Variants in MOCS2 observed in about 807,000 individuals in gnomAD.
The protein encoded by MOCS2 is molybdenum cofactor synthesis 2, also known as molybdopterin synthase catalytic subunit.
A neutral mutation model predicts 21.9 loss-of-function variants in MOCS2; 13 were observed. The ratio of observed to expected loss-of-function variants is 0.59; its 90% CI spans 0.39 to 0.94. MOCS2 has a LOEUF of 0.94. Among genes scored for constraint, MOCS2 ranks in the 40% least tolerant of loss-of-function variants. The pLI, the probability that MOCS2 is intolerant of heterozygous loss-of-function variation, is 0.00. For synonymous variants in MOCS2, 92 were observed against 80.8 expected, an observed-to-expected ratio of 1.14 and a Z score of -0.74; for missense variants, 227 against 218.3, an observed-to-expected ratio of 1.04 and a Z score of -0.25.
At chr5:53,101,739 ACACT>A (rs961415620) in intron 4 of MOCS2, among the ~76,000 whole-genome samples, 1 of 152,212 alleles carries the variant, frequency 6.6e-6, no homozygotes, top group Non-Finnish European at 1.5e-5. Flanking sequence ...CTTACTAAAA[ACACT>A]CACCTGGCAA....
rs199581021 is a variant in MOCS2, at chr5:53,100,497, C to T, written c.415G>A (p.Val139Met). The change falls in exon 6 of 7, where the codon GTG becomes ATG. Residue 139 changes from valine (V) to methionine (M), a missense_variant. Physicochemically the swap from Val to Met is conservative, Grantham distance 21 (BLOSUM62 1). Transcript: ENST00000396954. The part of the protein sequence containing the change: ...PVSEASIIIA[V>M]SSAHRAASLE... The stretch of plus-strand genomic sequence containing the variant: ...GATGCAGCTCTGTGGGCTGAGGACA[C>T]AGCAATGATTATGCTTGCTTCTGAC... 141 of 1,613,674 alleles carry T rather than the reference C, an allele frequency of 8.7e-5. No homozygotes were observed. Among genetic ancestry groups the T allele is most frequent in the South Asian group, 4.9e-4 (45 of 91,070 alleles).
At position 53,102,173 on chromosome 5, in the gene MOCS2, AG is replaced by A. The variant is rs745685658; in HGVS notation, c.149del (p.Thr50MetfsTer7). On this transcript the variant is annotated frameshift_variant, in exon 4 of 7. Coordinates refer to ENST00000396954, the MANE Select transcript of MOCS2 (RefSeq NM_004531.5). LOFTEE classifies it high-confidence loss of function. The stretch of plus-strand genomic sequence containing the variant: ...CTTCATCTACTGAAAGTTTCTCGGC[AG>A]TAAAGTTTATAACATCTTTAGATTT... The part of the protein sequence containing the change: ...EEKSKDVINF[T>X]AEKLSVDEVS... 1.9e-6 allele frequency: 3 copies of A among 1,612,914 alleles called. No individual in the cohort carries two copies. In the South Asian group the frequency reaches 3.3e-5, roughly 18 times the overall value.
chr5:53,109,752 A>T lies in MOCS2; in HGVS notation c.-671T>A, dbSNP rs972445076. The T allele has an allele frequency of 1.3e-6, 2 of 1,547,688 alleles. No homozygotes were observed. Among genetic ancestry groups the T allele is most frequent in the African/African-American group, 2.7e-5 (2 of 72,974 alleles). On this transcript the variant is annotated 5_prime_UTR_variant, in exon 1 of 7. Coordinates refer to ENST00000396954, the MANE Select transcript of MOCS2 (RefSeq NM_004531.5). ...CATCCCGCCTAGGACAGCGGGACCGAATCACGGCCGCAAAGGCGCAGGCGC... is the reference window on the plus strand; with the variant it reads ...CATCCCGCCTAGGACAGCGGGACCGTATCACGGCCGCAAAGGCGCAGGCGC...
At chr5:53,099,695 C>G (rs3756532) in intron 6 of MOCS2, among the ~76,000 whole-genome samples, 1 of 152,036 alleles carries the variant, frequency 6.6e-6, no homozygotes, top group Non-Finnish European at 1.5e-5. Context: ...TTTAAAAGCC[C>G]TGGCTCTCTG....
At position 53,109,486 on chromosome 5, in the gene MOCS2, T is replaced by C; in HGVS notation, c.-405A>G. ...CTTGCTGCCGTGAGCTGACAAGAGT[T>C]CTCGGAGAGGACCCGACTTCTGCTG... On this transcript the variant is annotated 5_prime_UTR_variant, in exon 1 of 7. Transcript: ENST00000396954. 1 of 1,327,992 alleles carries C rather than the reference T, an allele frequency of 7.5e-7. No homozygotes were observed. 82.3% of individuals were successfully genotyped at this position (1,327,992 alleles called of 1,614,324 possible).
At chr5:53,103,085 CT>C in intron 3 of MOCS2, among the ~76,000 whole-genome samples, 1 of 152,054 alleles carries the variant, frequency 6.6e-6, no homozygotes, top group Middle Eastern at 3.4e-3. Context: ...TAAAAAGTTT[CT>C]TTTCTTTTTT....
At chr5:53,102,034 G>C in intron 4 of MOCS2, 63 bp downstream of exon 4, 1 of 1,550,150 alleles carries the variant, frequency 6.5e-7, no homozygotes, top group Non-Finnish European at 8.9e-7. Flanking sequence ...ACTGAACATG[G>C]AAAGCACATG....
rs889558412 is a variant in MOCS2 at position 53,109,684 on chromosome 5, G to A, written c.-603C>T. ...CACGTCGAGGAGGGCTCCGCACCCAGGCCCGCACGCACACCCGCCACCCTT... is the reference window on the plus strand; with the variant it reads ...CACGTCGAGGAGGGCTCCGCACCCAAGCCCGCACGCACACCCGCCACCCTT... On this transcript the variant is annotated 5_prime_UTR_variant, in exon 1 of 7. Coordinates refer to ENST00000396954, the MANE Select transcript of MOCS2 (RefSeq NM_004531.5). 6.4e-7 allele frequency: 1 copy of A among 1,552,224 alleles called. No individual in the cohort carries two copies. Among genetic ancestry groups the A allele is most frequent in the African/African-American group, 1.4e-5 (1 of 72,978 alleles).
rs1741103775 is a variant in MOCS2 at position 53,108,213 on chromosome 5, CAG to C, written c.-48+307_-48+308del. Reference sequence around the variant, plus strand: ...AAATGTTTAAAGCACACATTTTTAACAGAATTTGTAACAATTTCATTTAATGT... The same window carrying C: ...AAATGTTTAAAGCACACATTTTTAACAATTTGTAACAATTTCATTTAATGT... On this transcript the variant is annotated intron_variant, in intron 2 of 6. Transcript: ENST00000396954. The C allele has an allele frequency of 1.3e-5, 3 of 238,362 alleles. No individual in the cohort carries two copies. In the South Asian group the frequency reaches 2.0e-4, roughly 16 times the overall value. 14.8% of individuals were successfully genotyped at this position (238,362 alleles called of 1,614,324 possible).
intron 3 of MOCS2, among the ~76,000 whole-genome samples, chr5:53,105,321 A>G (rs1741021876): frequency 6.6e-6 from 1 of 152,126 alleles, no homozygotes; most frequent in Admixed American, 6.5e-5. Context: ...CCCAACTTCA[A>G]ACTATACCAC....
chr5:53,099,787 T>C (rs1335720483), intron 6 of MOCS2, among the ~76,000 whole-genome samples: 1 of 152,160 alleles, frequency 6.6e-6, no homozygotes, highest in Admixed American at 6.5e-5. Flanking sequence ...TTCTAGACAA[T>C]TCTAGACATT....
chr5:53,102,273 C>T (rs1740935262), intron 3 of MOCS2, 49 bp from the exon 4 acceptor site: 3 of 1,543,906 alleles, frequency 1.9e-6, no homozygotes, highest in Admixed American at 1.7e-5. Flanking sequence ...AGGGGTAAAA[C>T]ACTCAACAAC....
chr5:53,108,877 A>C (rs1304067120), intron 1 of MOCS2, among the ~76,000 whole-genome samples: 1 of 152,240 alleles, frequency 6.6e-6, no homozygotes, highest in Non-Finnish European at 1.5e-5. Context: ...TACAAACTTA[A>C]GTGTGCCATC....
At chr5:53,105,979 A>T (rs1200739910) in intron 3 of MOCS2, among the ~76,000 whole-genome samples, 2 of 152,222 alleles carry the variant, frequency 1.3e-5, no homozygotes, top group East Asian at 3.9e-4. Context: ...AGAAAGCTCA[A>T]CATCACTGAT....
rs121908609 is a variant in MOCS2, at chr5:53,098,602, T to G, written c.567A>C (p.Ter189TyrextTer18). 1.5e-5 allele frequency: 24 copies of G among 1,612,796 alleles called. No homozygotes were observed. The Admixed American group carries it at 3.8e-4, about 26-fold the overall frequency. ...TTGCATGCTCTAAAAACATAAGTGA[T>G]TAACTGTTGGATGCCCAAAAGCACT... ...NKECFWASNS[*>Y] The change falls in exon 7 of 7, where the codon TAA becomes TAC. Residue 189 changes from the stop codon to tyrosine (Y), a stop_lost. Coordinates refer to ENST00000396954, the MANE Select transcript of MOCS2 (RefSeq NM_004531.5).
At chr5:53,099,392 T>C (rs1331382674) in intron 6 of MOCS2, among the ~76,000 whole-genome samples, 3 of 152,220 alleles carry the variant, frequency 2.0e-5, no homozygotes, top group Non-Finnish European at 4.4e-5. Flanking sequence ...AAGCTACCCC[T>C]GCCTTCCAGG....
In MOCS2 at chr5:53,098,854, AT is replaced by A. The variant is rs3842048; in HGVS notation, c.502-188del. The A allele has an allele frequency of 0.13, 77,322 of 592,502 alleles. 5,347 individuals are homozygous for A. Among genetic ancestry groups the A allele is most frequent in the African/African-American group, 0.18 (9,773 of 53,454 alleles). The allele number at this position is 592,502 out of a possible 1,614,324, so 36.7% of individuals were successfully genotyped here. On this transcript the variant is annotated intron_variant, in intron 6 of 6. Coordinates refer to ENST00000396954, the MANE Select transcript of MOCS2 (RefSeq NM_004531.5). ...AGACAGAAAGTCTTTAGTTTTAAAC[AT>A]TTTTTTTTCTTTCCAAACATACCTA...
intron 1 of MOCS2, among the ~76,000 whole-genome samples, 173 bp downstream of exon 1, chr5:53,109,078 T>C (rs1159918382): frequency 6.6e-6 from 1 of 152,228 alleles, no homozygotes; most frequent in African/African-American, 2.4e-5. Flanking sequence ...TGACCTTAGA[T>C]TCCGGTCTGT....
At position 53,104,948 on chromosome 5, in the gene MOCS2, A is replaced by T. The variant is rs537686339; in HGVS notation, c.98+2129T>A. Among the ~76,000 whole-genome samples the T allele has an allele frequency of 3.3e-5, 5 of 152,266 alleles. No individual in the cohort carries two copies. The East Asian group carries it at 9.7e-4, about 29-fold the overall frequency. ...ATAAATTAAGCCTCATTCTGTCTGT[A>T]CTTATAAGAAGCCTGATCTCTCCAC... On this transcript the variant is annotated intron_variant, in intron 3 of 6. Transcript: ENST00000396954.
Sources: gnomAD v4.1 joint callset for allele counts (sites outside exome capture counted in the v4.1 genomes callset) on GRCh38, gnomAD v4.1.1 for gene constraint, MANE v1.5 for transcripts, NCBI Gene and HGNC (gene_info 2026-07-23, HGNC 2026-07-21) for gene names.